FBXO25: variants seen among roughly 807,000 people sequenced by gnomAD.
FBXO25 encodes the protein F-box only protein 25.
FBXO25 carries 45 observed loss-of-function variants against 51.9 expected under a neutral mutation model. That is an observed-to-expected ratio of 0.87 (90% CI 0.68 to 1.11). The LOEUF (loss-of-function observed/expected upper bound fraction) is 1.11. Ranked by LOEUF, FBXO25 falls within the 50% of genes most tolerant of loss-of-function variation. FBXO25 has a pLI of 0.00. For synonymous variants in FBXO25, 199 were observed against 151.0 expected (o/e 1.32, Z -2.33); for missense variants, 507 against 428.5 (o/e 1.18, Z -1.62).
chr8:444,580 A>C (rs73669381), intron 5 of FBXO25, among the ~76,000 whole-genome samples: 1 of 152,122 alleles, frequency 6.6e-6, no homozygotes, highest in Non-Finnish European at 1.5e-5. Context: ...CAGATTCTCT[A>C]TTTGAAGGAT....
rs1166765777 is a variant in FBXO25, at chr8:474,218, T to A, written c.*5414T>A. On this transcript the variant is annotated 3_prime_UTR_variant, in exon 10 of 10. Transcript: ENST00000350302. ...TGGAACCAGAAGGGATTTGTCCTTT[T>A]GTGACTGGCTTATTTCACTTAGCGT... The A allele has an allele frequency of 2.3e-5, 4 of 170,402 alleles. No homozygotes were observed. The highest frequency in any genetic ancestry group is 6.1e-5 in the Admixed American group (1 of 16,498). The allele number at this position is 170,402 out of a possible 1,614,324, so 10.6% of individuals were successfully genotyped here.
In FBXO25 at chr8:470,690, A is replaced by C. The variant is rs1203161906; in HGVS notation, c.*1886A>C. The C allele has an allele frequency of 2.0e-5, 3 of 152,168 alleles. No homozygotes were observed. Among genetic ancestry groups the C allele is most frequent in the African/African-American group, 7.2e-5 (3 of 41,432 alleles). The allele number at this position is 152,168 out of a possible 1,614,324, so 9.4% of individuals were successfully genotyped here. A position where few individuals can be genotyped will look rare whatever the true frequency, so the allele number is the denominator to read the frequency against. ...GCCACCACGTCCAGCTGAGAAAAGA[A>C]ATTGTTCTAATCTAGGAAAGGGAGT... On this transcript the variant is annotated 3_prime_UTR_variant, in exon 10 of 10. Transcript: ENST00000350302.
intron 5 of FBXO25, among the ~76,000 whole-genome samples, chr8:438,051 A>T (rs753928019): frequency 6.6e-6 from 1 of 151,660 alleles, no homozygotes; most frequent in Non-Finnish European, 1.5e-5. Context: ...GAAAAACTTA[A>T]TGTGTATCTT....
intron 3 of FBXO25, among the ~76,000 whole-genome samples, chr8:432,190 G>T (rs1797857044): frequency 6.6e-6 from 1 of 152,162 alleles, no homozygotes; most frequent in Non-Finnish European, 1.5e-5. Context: ...TATCTCAACA[G>T]GTGATCCGAT....
rs1235923531 is a variant in FBXO25, at chr8:467,652, C to G, written c.988-1063C>G. The G allele has an allele frequency of 3.8e-5, 58 of 1,523,550 alleles. No individual in the cohort carries two copies. In the East Asian group the frequency reaches 1.1e-3, roughly 28 times the overall value. 94.4% of individuals were successfully genotyped at this position (1,523,550 alleles called of 1,614,324 possible). A position where few individuals can be genotyped will look rare whatever the true frequency, so the allele number is the denominator to read the frequency against. ...TAGATACACTCTGGCTCTTTCTAAT[C>G]TTAACTTTTCCTTTTTTTCCCTCCC... On this transcript the variant is annotated intron_variant, in intron 9 of 9. Transcript: ENST00000350302.
At chr8:454,302 T>C (rs1475818402) in intron 7 of FBXO25, among the ~76,000 whole-genome samples, 1 of 152,200 alleles carries the variant, frequency 6.6e-6, no homozygotes, top group African/African-American at 2.4e-5. Flanking sequence ...TGCTAATGAA[T>C]TGGAAGTGCT....
At chr8:459,198 G>A (rs577921625) in intron 8 of FBXO25, among the ~76,000 whole-genome samples, 10 of 152,350 alleles carry the variant, frequency 6.6e-5, no homozygotes, top group African/African-American at 2.2e-4. Context: ...AGGGCTGGTC[G>A]CAGCCAGAGA....
intron 2 of FBXO25, among the ~76,000 whole-genome samples, chr8:423,544 T>C (rs1439770021): frequency 6.6e-6 from 1 of 152,112 alleles, no homozygotes; most frequent in Non-Finnish European, 1.5e-5. Context: ...GAACATGTGG[T>C]ATTTGGTTTT....
intron 5 of FBXO25, among the ~76,000 whole-genome samples, chr8:439,809 T>A (rs1257041480): frequency 6.6e-6 from 1 of 152,180 alleles, no homozygotes; most frequent in Non-Finnish European, 1.5e-5. Flanking sequence ...GACTCATGCC[T>A]GCAATCCCAG....
intron 2 of FBXO25, among the ~76,000 whole-genome samples, chr8:417,935 G>A (rs146574771): frequency 6.6e-6 from 1 of 152,142 alleles, no homozygotes; most frequent in Non-Finnish European, 1.5e-5. Context: ...GGTCCTAATA[G>A]AATCGTATAT....
chr8:477,313 ATCT>A lies in FBXO25; in HGVS notation c.*8513_*8515del, dbSNP rs1295808600. The stretch of plus-strand genomic sequence containing the variant: ...CTGTTCAAGTTCTGTCTTGCGACTG[ATCT>A]TCTGTCTGGTTGTCCTATCCGTTAC... On this transcript the variant is annotated 3_prime_UTR_variant, in exon 10 of 10. Coordinates refer to ENST00000350302, the MANE Select transcript of FBXO25 (RefSeq NM_183420.2). 7 of 152,036 alleles carry A rather than the reference ATCT, an allele frequency of 4.6e-5. No individual in the cohort carries two copies. Among genetic ancestry groups the A allele is most frequent in the African/African-American group, 1.7e-4 (7 of 41,386 alleles). 9.4% of individuals were successfully genotyped at this position (152,036 alleles called of 1,614,324 possible). A position where few individuals can be genotyped will look rare whatever the true frequency, so the allele number is the denominator to read the frequency against.
rs1253061409 is a variant in FBXO25, at chr8:469,197, G to GT, written c.*395dup. On this transcript the variant is annotated 3_prime_UTR_variant, in exon 10 of 10. Coordinates refer to ENST00000350302, the MANE Select transcript of FBXO25 (RefSeq NM_183420.2). ...CAATTGGGAAACTAATTGGGGGTGG[G>GT]TTACAAAACATTTGATCCTTGTAAA... is the stretch of plus-strand genomic sequence containing the variant. 2 of 167,402 alleles carry GT rather than the reference G, an allele frequency of 1.2e-5. No homozygotes were observed. Among genetic ancestry groups the GT allele is most frequent in the African/African-American group, 4.8e-5 (2 of 41,970 alleles). The allele number at this position is 167,402 out of a possible 1,614,324, so 10.4% of individuals were successfully genotyped here.
rs978307802 is a variant in FBXO25, at chr8:467,776, G to A, written c.988-939G>A. 3 of 1,612,990 alleles carry A rather than the reference G, an allele frequency of 1.9e-6. No homozygotes were observed. In the Admixed American group the frequency reaches 5.0e-5, roughly 27 times the overall value. On this transcript the variant is annotated intron_variant, in intron 9 of 9. Transcript: ENST00000350302. ...TTCCCTGTCTTGCCACACATCCTGT[G>A]TTCGGGATGAAAACGTTGCATCGTG...
intron 5 of FBXO25, among the ~76,000 whole-genome samples, chr8:441,545 C>T (rs1798426096): frequency 1.3e-5 from 2 of 152,134 alleles, no homozygotes; most frequent in Admixed American, 1.3e-4. Flanking sequence ...AAAGCTTCTG[C>T]ATAGCAAAAG....
chr8:413,717 C>T (rs1278643446), intron 2 of FBXO25, among the ~76,000 whole-genome samples: 5 of 152,202 alleles, frequency 3.3e-5, no homozygotes, highest in East Asian at 1.9e-4. Context: ...GCTACATTTG[C>T]GCTCAGGCCG....
intron 1 of FBXO25, among the ~76,000 whole-genome samples, chr8:407,938 TAG>T (rs1187578386): frequency 6.6e-6 from 1 of 152,220 alleles, no homozygotes; most frequent in Non-Finnish European, 1.5e-5. Flanking sequence ...CTAAAGAATC[TAG>T]AGAACCATTT....
At chr8:454,364 T>G (rs1799281152) in intron 7 of FBXO25, among the ~76,000 whole-genome samples, 1 of 152,208 alleles carries the variant, frequency 6.6e-6, no homozygotes, top group Admixed American at 6.5e-5. Flanking sequence ...AGGTATGTGT[T>G]CACATGCTTC....
intron 8 of FBXO25, 49 bp downstream of exon 8, chr8:458,600 T>A (rs375165485): frequency 9.5e-6 from 15 of 1,579,730 alleles, no homozygotes; most frequent in Non-Finnish European, 1.3e-5. Context: ...TTATAGACTC[T>A]GCCTGGGGGC....
intron 9 of FBXO25, chr8:468,191 T>C: frequency 9.9e-7 from 1 of 1,013,306 alleles, no homozygotes. Context: ...TATGTGAGCA[T>C]GGCCAGCTCC....
Sources: allele counts gnomAD v4.1 joint callset (sites outside exome capture counted in the v4.1 genomes callset), GRCh38; gene constraint gnomAD v4.1.1; transcripts MANE v1.5; gene names NCBI Gene and HGNC (gene_info 2026-07-23, HGNC 2026-07-21).